SDK1: variants seen among roughly 807,000 people sequenced by gnomAD.
The protein encoded by SDK1 is sidekick cell adhesion molecule 1.
In SDK1, 157 loss-of-function variants were observed where a neutral mutation model predicts 245.5. That is an observed-to-expected ratio of 0.64 (90% CI 0.56 to 0.73). SDK1 has a LOEUF of 0.73. Among genes scored for constraint, SDK1 ranks in the 30% least tolerant of loss-of-function variants. SDK1 has a pLI of 0.00. For missense variants in SDK1, 3,583 were observed against 3,002.3 expected (o/e 1.19, Z -4.52); for synonymous variants, 1,647 against 1,278.5 (o/e 1.29, Z -6.15).
At chr7:4,182,248 C>G (rs1003429947) in intron 35 of SDK1, among the ~76,000 whole-genome samples, 15 of 152,172 alleles carry the variant, frequency 9.9e-5, no homozygotes, top group Non-Finnish European at 2.1e-4. Flanking sequence ...CTCTGTCCCC[C>G]TCCCTCTAGG....
chr7:3,489,215 G>A (rs1233458192), intron 1 of SDK1, among the ~76,000 whole-genome samples: 1 of 152,100 alleles, frequency 6.6e-6, no homozygotes, highest in African/African-American at 2.4e-5. Flanking sequence ...AGTTAGGCAG[G>A]CACCAGTAGT....
At chr7:3,752,078 C>T (rs574056115) in intron 4 of SDK1, among the ~76,000 whole-genome samples, 42 of 152,126 alleles carry the variant, frequency 2.8e-4, no homozygotes, top group Non-Finnish European at 4.7e-4. Flanking sequence ...AGAAAGTTAA[C>T]CAATAAACAC....
In SDK1 at chr7:4,148,048, A is replaced by G. The variant is rs1780102069; in HGVS notation, c.4424-1214A>G. ...TCGGAGATTTTCCATTGGGGCCCCC[A>G]TCCTCCATCCTCGTGGCTCAGGGAG... is the stretch of plus-strand genomic sequence containing the variant. On this transcript the variant is annotated intron_variant, in intron 29 of 44. Coordinates refer to ENST00000404826, the MANE Select transcript of SDK1 (RefSeq NM_152744.4). Among the ~76,000 whole-genome samples, 5 of 141,876 alleles carry G rather than the reference A, an allele frequency of 3.5e-5. No homozygotes were observed. The South Asian group carries it at 1.2e-3, about 33-fold the overall frequency. The allele number at this position is 141,876 out of a possible 152,430, so 93.1% of individuals were successfully genotyped here.
chr7:3,996,731 G>A (rs186503715), intron 14 of SDK1, among the ~76,000 whole-genome samples: 4 of 152,016 alleles, frequency 2.6e-5, no homozygotes, highest in African/African-American at 9.7e-5. Flanking sequence ...TTATTCTAAC[G>A]ACTTTTCCAT....
intron 1 of SDK1, among the ~76,000 whole-genome samples, chr7:3,600,689 C>T (rs898456593): frequency 5.3e-5 from 8 of 151,258 alleles, no homozygotes; most frequent in African/African-American, 1.9e-4. Context: ...GCTGGGACTA[C>T]AGGCACCCAC....
intron 1 of SDK1, among the ~76,000 whole-genome samples, chr7:3,452,092 A>G (rs1780532066): frequency 6.6e-6 from 1 of 152,224 alleles, no homozygotes; most frequent in Non-Finnish European, 1.5e-5. Flanking sequence ...TTCTTTAAGG[A>G]TTTCAAGGGT....
At chr7:3,733,259 A>T (rs537605412) in intron 4 of SDK1, among the ~76,000 whole-genome samples, 4 of 152,290 alleles carry the variant, frequency 2.6e-5, no homozygotes, top group Non-Finnish European at 5.9e-5. Context: ...CAGAATATGC[A>T]TTGTCCTAAG....
rs185206321 is a variant in SDK1 at position 3,827,388 on chromosome 7, G to A, written c.847+5805G>A. 9.3e-4 allele frequency among the ~76,000 whole-genome samples: 141 copies of A among 152,234 alleles called. 1 individual carries two copies. Among genetic ancestry groups the A allele is most frequent in the South Asian group, 2.7e-3 (13 of 4,820 alleles). ...TCTTTCCGAACGAGATGGAAGGCTC[G>A]TGTCTTACTCATCCTGAATCTTTAA... On this transcript the variant is annotated intron_variant, in intron 5 of 44. Coordinates refer to ENST00000404826, the MANE Select transcript of SDK1 (RefSeq NM_152744.4).
chr7:3,657,302 C>G (rs990237748), intron 4 of SDK1, among the ~76,000 whole-genome samples: 2 of 152,160 alleles, frequency 1.3e-5, no homozygotes, highest in Middle Eastern at 3.2e-3. Flanking sequence ...ACAGCTGCAG[C>G]TGTCTGGAGG....
At chr7:4,158,912 C>T (rs527561825) in intron 31 of SDK1, among the ~76,000 whole-genome samples, 2 of 152,332 alleles carry the variant, frequency 1.3e-5, no homozygotes, top group Admixed American at 6.5e-5. Context: ...TTGACAACAG[C>T]GCAGGTAAGT....
chr7:4,253,075 G>C (rs941337025), intron 44 of SDK1, among the ~76,000 whole-genome samples: 2 of 152,054 alleles, frequency 1.3e-5, no homozygotes, highest in Admixed American at 1.3e-4. Context: ...TCTTTGCAAA[G>C]AACCAACTTG....
At chr7:3,583,026 C>G (rs1455491826) in intron 1 of SDK1, among the ~76,000 whole-genome samples, 4 of 152,170 alleles carry the variant, frequency 2.6e-5, no homozygotes, top group Admixed American at 1.3e-4. Flanking sequence ...TTCTGTGACC[C>G]AGGTCTAGTC....
At chr7:3,553,620 C>T (rs1337338234) in intron 1 of SDK1, among the ~76,000 whole-genome samples, 4 of 152,078 alleles carry the variant, frequency 2.6e-5, no homozygotes, top group Admixed American at 6.6e-5. Context: ...AAGCAAGCAG[C>T]CAAGGGAAAT....
chr7:3,562,688 A>G (rs182721430), intron 1 of SDK1, among the ~76,000 whole-genome samples: 72 of 152,284 alleles, frequency 4.7e-4, no homozygotes, highest in Middle Eastern at 3.4e-3. Flanking sequence ...TTTTAAGTGT[A>G]CTGTTTGGTG....
intron 17 of SDK1, among the ~76,000 whole-genome samples, chr7:4,035,490 A>G (rs982052316): frequency 2.0e-5 from 3 of 152,184 alleles, no homozygotes; most frequent in African/African-American, 7.2e-5. Context: ...AACTGTTTTC[A>G]GCCATTGGAA....
chr7:3,717,016 A>G (rs1244803756), intron 4 of SDK1, among the ~76,000 whole-genome samples: 8 of 152,164 alleles, frequency 5.3e-5, no homozygotes, highest in African/African-American at 1.2e-4. Context: ...ATTCCATCTC[A>G]AGCAGTGTTA....
intron 4 of SDK1, among the ~76,000 whole-genome samples, chr7:3,673,698 C>T (rs1250485848): frequency 2.0e-5 from 3 of 152,108 alleles, no homozygotes; most frequent in African/African-American, 7.2e-5. Context: ...AGTCATTGAC[C>T]TGGAGGGCCC....
chr7:4,041,328 G>A lies in SDK1; in HGVS notation c.2603-8020G>A, dbSNP rs112502069. Among the ~76,000 whole-genome samples, 1,026 of 150,508 alleles carry A rather than the reference G, an allele frequency of 6.8e-3. 18 individuals carry two copies. The highest frequency in any genetic ancestry group is 0.024 in the African/African-American group (991 of 40,600). ...GGAGTACTTTCAGATTCATAGGACAGTTGAGTAGAAAGTTAAAAGAGTTTT... is the reference window on the plus strand; with the variant it reads ...GGAGTACTTTCAGATTCATAGGACAATTGAGTAGAAAGTTAAAAGAGTTTT... On this transcript the variant is annotated intron_variant, in intron 17 of 44. Coordinates refer to ENST00000404826, the MANE Select transcript of SDK1 (RefSeq NM_152744.4).
chr7:3,310,063 C>T (rs1031583211), intron 1 of SDK1, among the ~76,000 whole-genome samples: 4 of 152,202 alleles, frequency 2.6e-5, no homozygotes, highest in African/African-American at 7.2e-5. Context: ...GAGCCACATG[C>T]TCAAAAGCTC....
Sources: gnomAD v4.1 joint callset for allele counts (sites outside exome capture counted in the v4.1 genomes callset) on GRCh38, gnomAD v4.1.1 for gene constraint, MANE v1.5 for transcripts, NCBI Gene and HGNC (gene_info 2026-07-23, HGNC 2026-07-21) for gene names.